The following MYO1D variants were observed in gnomAD, a reference collection of about 807,000 sequenced individuals.
MYO1D encodes myosin ID.
Under a neutral mutation model 122.0 loss-of-function variants are expected in MYO1D, and 83 were observed. The observed-to-expected ratio is 0.68, with a 90% CI of 0.57 to 0.82. MYO1D has a LOEUF of 0.82. MYO1D is among the 40% of genes least tolerant of loss of function. The pLI, the probability that MYO1D is intolerant of heterozygous loss-of-function variation, is 0.00. For synonymous variants in MYO1D, 464 were observed against 446.9 expected (o/e 1.04, Z -0.48); for missense variants, 1,157 against 1,269.5 (o/e 0.91, Z 1.35).
At chr17:32,662,499 C>T (rs1041681543) in intron 16 of MYO1D, among the ~76,000 whole-genome samples, 3 of 152,022 alleles carry the variant, frequency 2.0e-5, no homozygotes, top group Non-Finnish European at 2.9e-5. Flanking sequence ...GGTGAAACCC[C>T]GTCTCTACTA....
chr17:32,656,154 T>C (rs937491542), intron 17 of MYO1D, among the ~76,000 whole-genome samples: 3 of 152,242 alleles, frequency 2.0e-5, no homozygotes, highest in African/African-American at 7.2e-5. Flanking sequence ...AGTACGGAGG[T>C]TGGAAGCAAA....
At chr17:32,694,707 C>CAAA (rs58606294) in intron 16 of MYO1D, among the ~76,000 whole-genome samples, 10,159 of 55,646 alleles carry the variant, frequency 0.18, 1,748 homozygotes, top group Middle Eastern at 0.28. Context: ...GACTCCGTCT[C>CAAA]AAAAAAAAAA....
intron 16 of MYO1D, among the ~76,000 whole-genome samples, chr17:32,695,160 G>T (rs1220417005): frequency 1.3e-5 from 2 of 152,146 alleles, no homozygotes; most frequent in African/African-American, 4.8e-5. Flanking sequence ...GCATGGTGGG[G>T]GTGGGGGTGG....
At chr17:32,557,889 T>G (rs772916984) in intron 21 of MYO1D, among the ~76,000 whole-genome samples, 1 of 152,034 alleles carries the variant, frequency 6.6e-6, no homozygotes, top group Non-Finnish European at 1.5e-5. Context: ...CATTCATTTA[T>G]GTCCACACTC....
At chr17:32,581,536 CCTCTCTCT>C (rs539933871) in intron 21 of MYO1D, among the ~76,000 whole-genome samples, 1 of 147,676 alleles carries the variant, frequency 6.8e-6, no homozygotes, top group Non-Finnish European at 1.5e-5. Flanking sequence ...TCTCTTCCTT[CCTCTCTCT>C]CTCTCTCTTT....
Position 32,659,351 on chromosome 17 carries a change from G to GA in MYO1D, c.2122-14dup, listed in dbSNP as rs1555637274. The GA allele has an allele frequency of 6.2e-6, 10 of 1,612,312 alleles. No individual in the cohort carries two copies. Among genetic ancestry groups the GA allele is most frequent in the Non-Finnish European group, 8.5e-6 (10 of 1,178,968 alleles). ...TGCCCCGCCACACCTTCACAATAGA[G>GA]AAAGAAAAAGGAAAACGTTATTGAC... On this transcript the variant is annotated splice_polypyrimidine_tract_variant and intron_variant, in intron 16 of 21. Transcript: ENST00000318217.
chr17:32,535,108 G>A (rs1910622413), intron 21 of MYO1D, among the ~76,000 whole-genome samples: 1 of 152,096 alleles, frequency 6.6e-6, no homozygotes, highest in Admixed American at 6.6e-5. Context: ...TAAATTTAAG[G>A]ACAGTTTTCC....
chr17:32,712,056 G>A lies in MYO1D; in HGVS notation c.2053C>T (p.Arg685Ter). The change falls in exon 16 of 22, where the codon CGA becomes TGA. Residue 685 changes from arginine to a stop codon, truncating the protein, a stop_gained. Coordinates refer to ENST00000318217, the MANE Select transcript of MYO1D (RefSeq NM_015194.3). LOFTEE classifies it high-confidence loss of function. The part of the protein sequence containing the change: ...GKTKIFIRTP[R>*]TLFTLEELRA... ...AGTTCTTCCAAGGTAAACAATGTTC[G>A]GGGTGTTCGAATGAAAATTTTGGTC... 6.2e-7 allele frequency: 1 copy of A among 1,614,020 alleles called. No individual in the cohort carries two copies.
chr17:32,855,428 A>G (rs1361320675), intron 1 of MYO1D, among the ~76,000 whole-genome samples: 1 of 152,194 alleles, frequency 6.6e-6, no homozygotes, highest in African/African-American at 2.4e-5. Context: ...AGCATAGAGT[A>G]CGTATTGTTT....
intron 20 of MYO1D, among the ~76,000 whole-genome samples, chr17:32,612,743 T>C (rs955430837): frequency 5.3e-5 from 8 of 151,766 alleles, no homozygotes; most frequent in African/African-American, 1.9e-4. Flanking sequence ...AGAAAAACTT[T>C]TGTAATTGTA....
At chr17:32,686,364 T>C (rs1384252245) in intron 16 of MYO1D, 2 of 152,234 alleles carry the variant, frequency 1.3e-5, no homozygotes, top group Non-Finnish European at 2.9e-5. Flanking sequence ...GAATAGATTT[T>C]CCCCTGTAAC....
chr17:32,710,290 C>T (rs2089358939), intron 16 of MYO1D, among the ~76,000 whole-genome samples: 1 of 152,086 alleles, frequency 6.6e-6, no homozygotes, highest in Non-Finnish European at 1.5e-5. Flanking sequence ...TATTCCCTAT[C>T]TACATACAGG....
chr17:32,776,637 G>A (rs982540463), intron 3 of MYO1D, among the ~76,000 whole-genome samples: 1 of 152,050 alleles, frequency 6.6e-6, no homozygotes, highest in Admixed American at 6.5e-5. Context: ...AATTTTTAAG[G>A]CACTTGCTTA....
chr17:32,504,103 CTT>C (rs1302752469), intron 21 of MYO1D, among the ~76,000 whole-genome samples: 3 of 152,192 alleles, frequency 2.0e-5, no homozygotes, highest in African/African-American at 7.2e-5. Context: ...AAACCTTTCT[CTT>C]GTCATGAACC....
At chr17:32,640,209 C>T (rs2088176083) in intron 19 of MYO1D, among the ~76,000 whole-genome samples, 1 of 152,092 alleles carries the variant, frequency 6.6e-6, no homozygotes, top group African/African-American at 2.4e-5. Context: ...TAATTATTAG[C>T]CTTAGTAAAT....
intron 16 of MYO1D, among the ~76,000 whole-genome samples, chr17:32,669,895 C>CT (rs151075296): frequency 0.022 from 3,139 of 143,802 alleles, 51 homozygotes; most frequent in Non-Finnish European, 0.03. Context: ...TTTTCTTTTT[C>CT]TTTTTTCTTT....
chr17:32,642,433 T>C (rs543977654), intron 19 of MYO1D, among the ~76,000 whole-genome samples: 1 of 152,360 alleles, frequency 6.6e-6, no homozygotes, highest in Admixed American at 6.5e-5. Flanking sequence ...TGGTTCCATA[T>C]GAACTTTACA....
chr17:32,805,656 G>C (rs1216301268), intron 1 of MYO1D, among the ~76,000 whole-genome samples: 6 of 142,564 alleles, frequency 4.2e-5, no homozygotes, highest in Non-Finnish European at 9.2e-5. Context: ...TTACTTCAAG[G>C]CCAAAATAAT....
rs1023774412 is a variant in MYO1D at position 32,646,007 on chromosome 17, C to G, written c.2596-7172G>C. Among the ~76,000 whole-genome samples the G allele has an allele frequency of 8.5e-5, 13 of 152,210 alleles. 1 individual carries two copies. The highest frequency in any genetic ancestry group is 3.4e-3 in the Middle Eastern group (1 of 294). ...ATTTTTAGAATTTTCAGTTTTTCTG[C>G]TCTGTTTTTTCCCGATCTTTGTGGT... On this transcript the variant is annotated intron_variant, in intron 19 of 21. Coordinates refer to ENST00000318217, the MANE Select transcript of MYO1D (RefSeq NM_015194.3).
Sources: gnomAD v4.1 joint callset for allele counts (sites outside exome capture counted in the v4.1 genomes callset) on GRCh38, gnomAD v4.1.1 for gene constraint, MANE v1.5 for transcripts, NCBI Gene and HGNC (gene_info 2026-07-23, HGNC 2026-07-21) for gene names.